DAB1: variants seen among roughly 807,000 people sequenced by gnomAD.
DAB1 encodes the protein disabled homolog 1.
Under a neutral mutation model 64.6 loss-of-function variants are expected in DAB1, and 15 were observed. That is an observed-to-expected ratio of 0.23 (90% CI 0.16 to 0.36). The LOEUF (loss-of-function observed/expected upper bound fraction) is 0.36, where lower values mean the gene tolerates loss of function less well. Ranked by LOEUF, DAB1 falls within the 10% of genes least tolerant of loss-of-function variation. The pLI, the probability that DAB1 is intolerant of heterozygous loss-of-function variation, is 1.00. For synonymous variants in DAB1, 235 were observed against 251.9 expected (o/e 0.93, Z 0.64); for missense variants, 596 against 706.7 (o/e 0.84, Z 1.78).
chr1:58,100,840 G>GT (rs1383788940), intron 5 of DAB1, among the ~76,000 whole-genome samples: 1 of 152,176 alleles, frequency 6.6e-6, no homozygotes, highest in Non-Finnish European at 1.5e-5. Context: ...ATGAATGAAT[G>GT]TATTTGATGT....
At chr1:57,404,274 C>A (rs1683463835) in intron 1 of DAB1, among the ~76,000 whole-genome samples, 1 of 152,000 alleles carries the variant, frequency 6.6e-6, no homozygotes, top group Non-Finnish European at 1.5e-5. Flanking sequence ...ATAAACTTCA[C>A]AAAGTAAAAC....
At chr1:58,251,761 G>A (rs1029242742) in intron 4 of DAB1, among the ~76,000 whole-genome samples, 3 of 152,176 alleles carry the variant, frequency 2.0e-5, no homozygotes, top group African/African-American at 7.2e-5. Context: ...GGGGGTTAGA[G>A]ATGTAACTGT....
chr1:58,296,757 T>C (rs1662005231), intron 4 of DAB1, among the ~76,000 whole-genome samples: 1 of 152,180 alleles, frequency 6.6e-6, no homozygotes, highest in South Asian at 2.1e-4. Flanking sequence ...AGAATTGTTG[T>C]ATGATTAAAA....
chr1:57,391,707 A>G (rs961601946), intron 1 of DAB1, among the ~76,000 whole-genome samples: 3 of 151,852 alleles, frequency 2.0e-5, no homozygotes, highest in Non-Finnish European at 4.4e-5. Flanking sequence ...ATGCTTCTGG[A>G]GCAATGTTGC....
At chr1:57,748,686 G>A (rs1384606087) in intron 6 of DAB1, among the ~76,000 whole-genome samples, 2 of 152,148 alleles carry the variant, frequency 1.3e-5, no homozygotes, top group African/African-American at 4.8e-5. Context: ...AGAATAGTGA[G>A]CCCCTACCAC....
At chr1:57,720,752 C>T (rs1158787829) in intron 6 of DAB1, among the ~76,000 whole-genome samples, 2 of 152,128 alleles carry the variant, frequency 1.3e-5, no homozygotes, top group Non-Finnish European at 2.9e-5. Context: ...CCTTCTTTCC[C>T]GTAGTCTTAT....
chr1:57,370,497 G>A lies in DAB1; in HGVS notation c.-137+53433C>T, dbSNP rs189902048. Among the ~76,000 whole-genome samples, 241 of 152,114 alleles carry A rather than the reference G, an allele frequency of 1.6e-3. 1 individual carries two copies. The highest frequency in any genetic ancestry group is 5.4e-3 in the African/African-American group (224 of 41,484). ...CCAATTTAGGTCCAATGTTTTAGCA[G>A]TGTAGGAAAACCATCATCTATATGT... On this transcript the variant is annotated intron_variant, in intron 1 of 14. Transcript: ENST00000371236.
intron 9 of DAB1, among the ~76,000 whole-genome samples, chr1:57,061,857 T>G (rs1650428492): frequency 6.6e-6 from 1 of 152,186 alleles, no homozygotes. Context: ...TAGAACGATT[T>G]TAGCCTCACA....
At chr1:57,579,795 T>A (rs1315592068) in intron 7 of DAB1, among the ~76,000 whole-genome samples, 2 of 152,106 alleles carry the variant, frequency 1.3e-5, no homozygotes, top group African/African-American at 4.8e-5. Context: ...CCCTGGAAAG[T>A]GGTGTTTTAA....
At chr1:58,058,357 T>C (rs1376852198) in intron 5 of DAB1, among the ~76,000 whole-genome samples, 2 of 152,198 alleles carry the variant, frequency 1.3e-5, no homozygotes, top group Non-Finnish European at 2.9e-5. Flanking sequence ...CCAGGTGCAC[T>C]TTGCAATTCC....
At chr1:58,534,866 G>A (rs1021396055) in intron 1 of DAB1, among the ~76,000 whole-genome samples, 2 of 152,194 alleles carry the variant, frequency 1.3e-5, no homozygotes, top group Admixed American at 6.5e-5. Flanking sequence ...AGTCTAGGAG[G>A]TGGAGGTTGC....
chr1:57,263,344 T>A (rs370812891), intron 2 of DAB1, among the ~76,000 whole-genome samples: 5 of 152,108 alleles, frequency 3.3e-5, no homozygotes, highest in East Asian at 1.9e-4. Context: ...GGTTTCGAAC[T>A]CCTGACCTCA....
intron 5 of DAB1, among the ~76,000 whole-genome samples, chr1:58,069,958 G>A (rs1649130633): frequency 6.6e-6 from 1 of 152,214 alleles, no homozygotes. Context: ...TGCCCACAGA[G>A]TCAGTGCCCC....
At chr1:57,222,884 A>G (rs1360205362) in intron 2 of DAB1, among the ~76,000 whole-genome samples, 1 of 152,212 alleles carries the variant, frequency 6.6e-6, no homozygotes, top group Non-Finnish European at 1.5e-5. Flanking sequence ...CTTACAAAGT[A>G]AATAATTTGC....
intron 3 of DAB1, among the ~76,000 whole-genome samples, chr1:58,492,240 G>A (rs931832069): frequency 3.9e-5 from 6 of 152,082 alleles, no homozygotes; most frequent in Non-Finnish European, 5.9e-5. Flanking sequence ...CAACATACCA[G>A]AATCTCTGAG....
chr1:57,463,794 C>A (rs896145148), intron 7 of DAB1, among the ~76,000 whole-genome samples: 3 of 152,134 alleles, frequency 2.0e-5, no homozygotes, highest in African/African-American at 4.8e-5. Context: ...TGAAACATTT[C>A]TTGAGAAACT....
intron 7 of DAB1, among the ~76,000 whole-genome samples, chr1:57,613,188 T>C (rs1406573404): frequency 6.6e-6 from 1 of 152,250 alleles, no homozygotes; most frequent in Non-Finnish European, 1.5e-5. Context: ...GTATTATTTT[T>C]ATGTTTTTCC....
intron 2 of DAB1, among the ~76,000 whole-genome samples, chr1:57,149,573 C>T (rs529697097): frequency 2.4e-4 from 36 of 152,204 alleles, no homozygotes; most frequent in African/African-American, 8.7e-4. Context: ...CTTGCATTTC[C>T]CTAAGGAGTA....
At chr1:58,493,730 A>C (rs1645743027) in intron 3 of DAB1, among the ~76,000 whole-genome samples, 1 of 151,882 alleles carries the variant, frequency 6.6e-6, no homozygotes, top group African/African-American at 2.4e-5. Flanking sequence ...GGACCTCTTC[A>C]AGGAGAACTA....
Sources: allele counts gnomAD v4.1 joint callset (sites outside exome capture counted in the v4.1 genomes callset), GRCh38; gene constraint gnomAD v4.1.1; transcripts MANE v1.5; gene names NCBI Gene and HGNC (gene_info 2026-07-23, HGNC 2026-07-21).